The following PRDM16 variants were observed in gnomAD, a reference collection of about 807,000 sequenced individuals.
The protein encoded by PRDM16 is histone-lysine N-methyltransferase PRDM16.
Under a neutral mutation model 110.6 loss-of-function variants are expected in PRDM16, and 23 were observed. The observed-to-expected ratio is 0.21, with a 90% CI of 0.15 to 0.29. The LOEUF (loss-of-function observed/expected upper bound fraction) is 0.29, where lower values mean the gene tolerates loss of function less well. Among genes scored for constraint, PRDM16 ranks in the 10% least tolerant of loss-of-function variants. The pLI is 1.00. For synonymous variants in PRDM16, 799 were observed against 781.8 expected (o/e 1.02, Z -0.37); for missense variants, 1,615 against 1,794.3 (o/e 0.90, Z 1.81).
chr1:3,283,805 G>C (rs1221425824), intron 3 of PRDM16, among the ~76,000 whole-genome samples: 2 of 152,254 alleles, frequency 1.3e-5, no homozygotes, highest in Non-Finnish European at 2.9e-5. Context: ...GCATCTTCCA[G>C]CAAAGCCGGC....
intron 2 of PRDM16, among the ~76,000 whole-genome samples, chr1:3,218,273 T>G (rs144579526): frequency 2.3e-3 from 347 of 152,342 alleles, no homozygotes; most frequent in Admixed American, 3.9e-3. Context: ...CGGCTTCATA[T>G]TCACATAAAG....
intron 4 of PRDM16, among the ~76,000 whole-genome samples, chr1:3,386,055 G>A (rs1643190090): frequency 6.6e-6 from 1 of 152,196 alleles, no homozygotes; most frequent in African/African-American, 2.4e-5. Flanking sequence ...TTTCAAGCTT[G>A]CGAGTGGCCC....
chr1:3,280,244 G>A (rs1432162540), intron 3 of PRDM16, among the ~76,000 whole-genome samples: 1 of 152,208 alleles, frequency 6.6e-6, no homozygotes, highest in African/African-American at 2.4e-5. Flanking sequence ...TCGTGTGTTG[G>A]TGTGTGCATG....
chr1:3,429,469 A>G (rs995071007), intron 14 of PRDM16, among the ~76,000 whole-genome samples: 4 of 152,238 alleles, frequency 2.6e-5, no homozygotes, highest in African/African-American at 7.2e-5. Context: ...CTCACAGCAC[A>G]TGCCCATGTG....
intron 1 of PRDM16, among the ~76,000 whole-genome samples, chr1:3,123,571 G>C (rs974015739): frequency 6.6e-6 from 1 of 152,238 alleles, no homozygotes; most frequent in Non-Finnish European, 1.5e-5. Flanking sequence ...AGTGAGGGGG[G>C]CCCAGAGTCT....
chr1:3,084,087 C>T (rs1316094305), intron 1 of PRDM16, among the ~76,000 whole-genome samples: 19 of 152,324 alleles, frequency 1.2e-4, no homozygotes, highest in Admixed American at 1.2e-3. Context: ...TGGCTGGGGA[C>T]GACCGAATCC....
intron 3 of PRDM16, among the ~76,000 whole-genome samples, chr1:3,267,686 C>T (rs913976392): frequency 1.3e-5 from 2 of 152,244 alleles, no homozygotes; most frequent in Non-Finnish European, 2.9e-5. Flanking sequence ...GGGGCGGCCC[C>T]TCCCGCACCA....
intron 2 of PRDM16, among the ~76,000 whole-genome samples, chr1:3,202,335 T>TGCTGGGGGAGTCTGGGGGAG (rs1638648471): frequency 1.2e-5 from 1 of 80,832 alleles, no homozygotes; most frequent in Non-Finnish European, 2.4e-5. Flanking sequence ...GCATCCTTCA[T>TGCTGGGGGAGTCTGGGGGAG]GCTGGGGGAG....
intron 1 of PRDM16, among the ~76,000 whole-genome samples, chr1:3,179,539 C>T (rs967237174): frequency 6.6e-5 from 10 of 152,256 alleles, no homozygotes; most frequent in African/African-American, 2.2e-4. Flanking sequence ...TCCGTCCCAA[C>T]ACCTGGAAAC....
rs778536634 is a variant in PRDM16, at chr1:3,186,487, G to C, written c.387+13G>C. ...CTTCGGATGGGAGGTGAGCGATCGC[G>C]CCTGAGTATGATTGATCACGGCCAT... On this transcript the variant is annotated intron_variant, in intron 2 of 16. Coordinates refer to ENST00000270722, the MANE Select transcript of PRDM16 (RefSeq NM_022114.4). 2.8e-6 allele frequency: 4 copies of C among 1,443,904 alleles called. No homozygotes were observed. Among genetic ancestry groups the C allele is most frequent in the Middle Eastern group, 3.6e-4 (2 of 5,480 alleles). 89.4% of individuals were successfully genotyped at this position (1,443,904 alleles called of 1,614,324 possible). A position where few individuals can be genotyped will look rare whatever the true frequency, so the allele number is the denominator to read the frequency against.
intron 3 of PRDM16, among the ~76,000 whole-genome samples, chr1:3,313,605 C>T (rs1641518601): frequency 6.6e-6 from 1 of 152,252 alleles, no homozygotes; most frequent in African/African-American, 2.4e-5. Flanking sequence ...CCCTCCCAGC[C>T]CCTCACCTGC....
At chr1:3,176,309 T>TTGATTCACCTAC (rs1644088970) in intron 1 of PRDM16, among the ~76,000 whole-genome samples, 167 of 101,096 alleles carry the variant, frequency 1.7e-3, no homozygotes, top group Admixed American at 3.1e-3. Flanking sequence ...TGTCCATACA[T>TTGATTCACCTAC]CCATCTATTC....
At chr1:3,347,395 C>T (rs573255772) in intron 3 of PRDM16, among the ~76,000 whole-genome samples, 7 of 152,340 alleles carry the variant, frequency 4.6e-5, no homozygotes, top group East Asian at 1.9e-4. Context: ...GGAAGGAGCC[C>T]GGAACACCCT....
At chr1:3,215,523 T>G (rs1357644350) in intron 2 of PRDM16, among the ~76,000 whole-genome samples, 3 of 151,718 alleles carry the variant, frequency 2.0e-5, no homozygotes, top group Admixed American at 6.6e-5. Flanking sequence ...GGAAGGAAGG[T>G]GGGGGCCCTG....
chr1:3,261,594 G>C (rs114299726), intron 3 of PRDM16, among the ~76,000 whole-genome samples: 1,724 of 152,240 alleles, frequency 0.011, 31 homozygotes, highest in African/African-American at 0.039. Flanking sequence ...CAGGGGGCCG[G>C]GTAGATGACC....
At chr1:3,356,362 G>T (rs564484554) in intron 3 of PRDM16, among the ~76,000 whole-genome samples, 1 of 152,336 alleles carries the variant, frequency 6.6e-6, no homozygotes, top group East Asian at 1.9e-4. Flanking sequence ...TGCTCAGGAC[G>T]TGCGGCTGCC....
Position 3,396,519 on chromosome 1 carries a change from A to G in PRDM16, c.602A>G (p.Glu201Gly), listed in dbSNP as rs769730026. The G allele has an allele frequency of 1.9e-6, 3 of 1,604,286 alleles. No individual in the cohort carries two copies. The East Asian group carries it at 6.7e-5, about 36-fold the overall frequency. Residue 201 changes from glutamate to glycine, a missense_variant, in exon 5 of 17, where the codon GAG (glutamate) becomes GGG (glycine). Physicochemically the swap from Glu to Gly is moderately conservative, Grantham distance 98 (BLOSUM62 -2). This residue lies in a region of PRDM16 where 416 missense variants were observed against 467.1 expected (regional missense o/e 0.89). Transcript: ENST00000270722. ...QIYYKVIKDI[E>G]PGEELLVHVK... ...TACTATAAAGTCATTAAGGACATTG[A>G]GCCAGGTGAGGAGCTGCTGGTGCAC... is the stretch of plus-strand genomic sequence containing the variant.
chr1:3,346,181 G>C (rs752822363), intron 3 of PRDM16, among the ~76,000 whole-genome samples: 12 of 152,270 alleles, frequency 7.9e-5, no homozygotes, highest in Non-Finnish European at 1.5e-4. Flanking sequence ...TGTGGAAAAT[G>C]TTGGATATGG....
chr1:3,393,988 G>A (rs1481340704), intron 4 of PRDM16, among the ~76,000 whole-genome samples: 4 of 152,168 alleles, frequency 2.6e-5, no homozygotes, highest in African/African-American at 7.2e-5. Flanking sequence ...GGCCCGGCGC[G>A]CTAGACCCTC....
Sources: allele counts gnomAD v4.1 joint callset (sites outside exome capture counted in the v4.1 genomes callset), GRCh38; gene constraint gnomAD v4.1.1; regional missense constraint gnomAD v4.1.1; transcripts MANE v1.5; gene names NCBI Gene and HGNC (gene_info 2026-07-23, HGNC 2026-07-21).